Variants in FGF14 observed in about 807,000 individuals in gnomAD.
FGF14 encodes fibroblast growth factor homologous factor 4.
In FGF14, 5 loss-of-function variants were observed where a neutral mutation model predicts 25.5. The observed-to-expected ratio is 0.20, with a 90% CI of 0.10 to 0.41. FGF14 has a LOEUF of 0.41. FGF14 is among the 10% of genes least tolerant of loss of function. The pLI, the probability that FGF14 is intolerant of heterozygous loss-of-function variation, is 1.00. For missense variants in FGF14, 222 were observed against 320.1 expected, an observed-to-expected ratio of 0.69 and a Z score of 2.34; for synonymous variants, 138 against 118.3, an observed-to-expected ratio of 1.17 and a Z score of -1.08.
At chr13:102,068,012 A>G (rs1031237316) in intron 1 of FGF14, among the ~76,000 whole-genome samples, 1 of 152,220 alleles carries the variant, frequency 6.6e-6, no homozygotes, top group African/African-American at 2.4e-5. Flanking sequence ...CATGACGTTT[A>G]AAGTGCTGAA....
intron 1 of FGF14, among the ~76,000 whole-genome samples, chr13:102,129,471 T>C (rs2046094537): frequency 6.6e-6 from 1 of 151,988 alleles, no homozygotes; most frequent in Non-Finnish European, 1.5e-5. Flanking sequence ...CTTGGAAAAA[T>C]ATTGATATTA....
intron 1 of FGF14, among the ~76,000 whole-genome samples, chr13:101,911,443 GT>G (rs1002337216): frequency 1.3e-5 from 2 of 151,976 alleles, no homozygotes; most frequent in African/African-American, 4.8e-5. Context: ...TCTTCTTTAT[GT>G]TTAATTACAT....
At chr13:101,829,682 T>C (rs1357774266) in intron 3 of FGF14, among the ~76,000 whole-genome samples, 2 of 152,098 alleles carry the variant, frequency 1.3e-5, no homozygotes, top group Non-Finnish European at 2.9e-5. Context: ...CTGCCAGAGT[T>C]GGAAGAATTT....
At chr13:102,086,521 C>A (rs1435665810) in intron 1 of FGF14, among the ~76,000 whole-genome samples, 2 of 151,540 alleles carry the variant, frequency 1.3e-5, no homozygotes, top group African/African-American at 2.4e-5. Context: ...CAGAGAGAGA[C>A]TCCGTCTCAA....
In FGF14 at chr13:101,941,743, T is replaced by A. The variant is rs116947412; in HGVS notation, c.209-66447A>T. Among the ~76,000 whole-genome samples the A allele has an allele frequency of 2.4e-4, 37 of 152,338 alleles. No individual in the cohort carries two copies. In the East Asian group the frequency reaches 6.6e-3, roughly 27 times the overall value. On this transcript the variant is annotated intron_variant, in intron 1 of 4. Coordinates refer to the FGF14 transcript ENST00000376131. ...TAACAAATTGAAATGTCCTTAAGTATTTCAAATAAATTAAGGAAGAATTCC... is the reference window on the plus strand; with the variant it reads ...TAACAAATTGAAATGTCCTTAAGTAATTCAAATAAATTAAGGAAGAATTCC...
Position 102,024,708 on chromosome 13 carries a change from C to T in FGF14, c.209-149412G>A, listed in dbSNP as rs73565736. ...CCTAATTTACTATCATGAATATGTACACCAATTTTTCTTCTAAGAGTTTTA... is the reference window on the plus strand; with the variant it reads ...CCTAATTTACTATCATGAATATGTATACCAATTTTTCTTCTAAGAGTTTTA... On this transcript the variant is annotated intron_variant, in intron 1 of 4. Coordinates refer to the FGF14 transcript ENST00000376131. Among the ~76,000 whole-genome samples, 532 of 151,898 alleles carry T rather than the reference C, an allele frequency of 3.5e-3. 2 individuals are homozygous for T. The highest frequency in any genetic ancestry group is 0.012 in the African/African-American group (513 of 41,466).
intron 1 of FGF14, among the ~76,000 whole-genome samples, chr13:102,349,370 T>C (rs1193863583): frequency 6.6e-6 from 1 of 152,204 alleles, no homozygotes; most frequent in Non-Finnish European, 1.5e-5. Flanking sequence ...CTCAATTTAA[T>C]TACATGTGGC....
At chr13:101,897,915 G>A (rs1218370628) in intron 1 of FGF14, among the ~76,000 whole-genome samples, 1 of 151,988 alleles carries the variant, frequency 6.6e-6, no homozygotes, top group Non-Finnish European at 1.5e-5. Flanking sequence ...ATTTTTTGGA[G>A]ACAGAGTCTT....
In FGF14 at chr13:101,998,616, C is replaced by A. The variant is rs115416011; in HGVS notation, c.209-123320G>T. ...CTGAAGTATTTCTGAAATGTATTTA[C>A]AGATTCTGTGCAAGACCTTCAGTCA... is the stretch of plus-strand genomic sequence containing the variant. On this transcript the variant is annotated intron_variant, in intron 1 of 4. Coordinates refer to the FGF14 transcript ENST00000376131. Among the ~76,000 whole-genome samples the A allele has an allele frequency of 7.5e-3, 1,140 of 152,282 alleles. 15 individuals carry two copies. The highest frequency in any genetic ancestry group is 0.026 in the African/African-American group (1,068 of 41,548).
chr13:102,244,405 A>G (rs139540454), intron 1 of FGF14, among the ~76,000 whole-genome samples: 213 of 151,976 alleles, frequency 1.4e-3, no homozygotes, highest in African/African-American at 5.0e-3. Context: ...TTTTTGACCA[A>G]TTCACACACA....
intron 1 of FGF14, among the ~76,000 whole-genome samples, chr13:102,279,738 C>G (rs1362761486): frequency 6.6e-6 from 1 of 152,142 alleles, no homozygotes; most frequent in Non-Finnish European, 1.5e-5. Context: ...TTGAACCCTT[C>G]TTGGAAACAA....
At chr13:102,153,327 C>A (rs1000282974) in intron 1 of FGF14, among the ~76,000 whole-genome samples, 1 of 152,162 alleles carries the variant, frequency 6.6e-6, no homozygotes. Flanking sequence ...AAGATGATGG[C>A]AATTGATCTA....
At chr13:102,251,979 G>A (rs1014744969) in intron 1 of FGF14, among the ~76,000 whole-genome samples, 6 of 152,074 alleles carry the variant, frequency 3.9e-5, no homozygotes, top group African/African-American at 1.4e-4. Context: ...ACCCACAAAT[G>A]GATAAAATTA....
chr13:101,734,562 AG>A (rs2036042454), intron 3 of FGF14, among the ~76,000 whole-genome samples: 1 of 152,210 alleles, frequency 6.6e-6, no homozygotes, highest in Non-Finnish European at 1.5e-5. Flanking sequence ...AATATGCTCA[AG>A]AAAGTATTAA....
rs2034696487 is a variant in FGF14, at chr13:101,715,819, T to G, written c.*7012A>C. 2 of 484,916 alleles carry G rather than the reference T, an allele frequency of 4.1e-6. No individual in the cohort carries two copies. Among genetic ancestry groups the G allele is most frequent in the African/African-American group, 2.0e-5 (1 of 50,602 alleles). 30.0% of individuals were successfully genotyped at this position (484,916 alleles called of 1,614,324 possible). A position where few individuals can be genotyped will look rare whatever the true frequency, so the allele number is the denominator to read the frequency against. On this transcript the variant is annotated 3_prime_UTR_variant, in exon 5 of 5. Transcript: ENST00000376143. ...AATCCGAGTACCTATTAGAAATGAG[T>G]TATGCAAATTTAGATGCAAATAACA...
intron 1 of FGF14, among the ~76,000 whole-genome samples, chr13:102,121,958 A>G (rs2140367037): frequency 6.6e-6 from 1 of 152,374 alleles, no homozygotes. Flanking sequence ...TCTGGCATTT[A>G]AAAGTTAGGT....
intron 1 of FGF14, among the ~76,000 whole-genome samples, chr13:102,146,013 A>G (rs146536307): frequency 4.9e-4 from 74 of 152,316 alleles, no homozygotes; most frequent in African/African-American, 1.4e-3. Flanking sequence ...GATCCAACCT[A>G]TTAGCACTCT....
rs145739881 is a variant in FGF14, at chr13:101,959,433, G to A, written c.209-84137C>T. Among the ~76,000 whole-genome samples, 132 of 152,244 alleles carry A rather than the reference G, an allele frequency of 8.7e-4. 1 individual carries two copies. Among genetic ancestry groups the A allele is most frequent in the African/African-American group, 3.0e-3 (126 of 41,560 alleles). ...GGTATATTACTGGTGGTCTTTGGGT[G>A]AAAAGCATTAACAATTCAGTGTCAT... On this transcript the variant is annotated intron_variant, in intron 1 of 4. Transcript: ENST00000376131.
At chr13:102,043,521 C>T (rs1401930867) in intron 1 of FGF14, among the ~76,000 whole-genome samples, 2 of 152,136 alleles carry the variant, frequency 1.3e-5, no homozygotes, top group Non-Finnish European at 2.9e-5. Context: ...GAAAGTGGAA[C>T]ATTTTTCCCC....
Sources: allele counts gnomAD v4.1 joint callset (sites outside exome capture counted in the v4.1 genomes callset), GRCh38; gene constraint gnomAD v4.1.1; transcripts MANE v1.5; gene names NCBI Gene and HGNC (gene_info 2026-07-23, HGNC 2026-07-21).